BRIP1: variants seen among roughly 807,000 people sequenced by gnomAD.
BRIP1 encodes Fanconi anemia group J protein.
Under a neutral mutation model 119.7 loss-of-function variants are expected in BRIP1, and 88 were observed. That is an observed-to-expected ratio of 0.74 (90% CI 0.62 to 0.88). BRIP1 has a LOEUF of 0.88. BRIP1 is among the 40% of genes least tolerant of loss of function. BRIP1 has a pLI of 0.00. For missense variants in BRIP1, 1,259 were observed against 1,455.4 expected, an observed-to-expected ratio of 0.87 and a Z score of 2.20; for synonymous variants, 443 against 496.5, an observed-to-expected ratio of 0.89 and a Z score of 1.43.
rs531115856 is a variant in BRIP1 at position 61,783,275 on chromosome 17, C to G, written c.1628+995G>C. Among the ~76,000 whole-genome samples the G allele has an allele frequency of 7.5e-4, 114 of 152,114 alleles. 1 individual carries two copies. The highest frequency in any genetic ancestry group is 2.5e-3 in the African/African-American group (104 of 41,486). On this transcript the variant is annotated intron_variant, in intron 11 of 19. Coordinates refer to ENST00000259008, the MANE Select transcript of BRIP1 (RefSeq NM_032043.3). ...TAAATGAACTCTGAAAACACTGTGC[C>G]AAATGAATTGAAATAAGCCAGACAC...
In BRIP1 at chr17:61,701,994, A is replaced by T. The variant is rs2061621848; in HGVS notation, c.2493-8482T>A. ...AGAGAGGTGAGAACAGAGCAAGTTA[A>T]AATACCACAAAGCTTACTGTTCTTA... On this transcript the variant is annotated intron_variant, in intron 17 of 19. Transcript: ENST00000259008. The surrounding 1 kb of genome is among the most constrained non-coding windows in gnomAD (Gnocchi z 5.1). Among the ~76,000 whole-genome samples the T allele has an allele frequency of 4.6e-5, 7 of 152,208 alleles. No homozygotes were observed. The South Asian group carries it at 1.4e-3, about 32-fold the overall frequency.
intron 17 of BRIP1, among the ~76,000 whole-genome samples, chr17:61,698,532 C>T (rs149673179): frequency 6.6e-6 from 1 of 152,006 alleles, no homozygotes; most frequent in Non-Finnish European, 1.5e-5. Flanking sequence ...TTGTTCAAGG[C>T]TTTTATTTTC....
rs1275279664 is a variant in BRIP1, at chr17:61,724,507, A to C, written c.2380-8444T>G. On this transcript the variant is annotated intron_variant, in intron 16 of 19. Transcript: ENST00000259008. This position sits in a 1 kb window ranked among gnomAD's most constrained non-coding sequence, Gnocchi z 5.1. ...TCTTTGCACAAAAGTAGCCTTTTTA[A>C]AGTTTATCAGTAGCTTCTGAAAAAA... 4.6e-5 allele frequency among the ~76,000 whole-genome samples: 7 copies of C among 152,166 alleles called. No individual in the cohort carries two copies. Among genetic ancestry groups the C allele is most frequent in the Non-Finnish European group, 5.9e-5 (4 of 68,006 alleles).
chr17:61,707,811 TTTTTG>T (rs2061714667), intron 17 of BRIP1, among the ~76,000 whole-genome samples: 1 of 152,068 alleles, frequency 6.6e-6, no homozygotes, highest in Admixed American at 6.6e-5. Flanking sequence ...CCATGTCTTG[TTTTTG>T]TACAGCCTCC....
chr17:61,783,938 CTGGGTG>C (rs1388669451), intron 11 of BRIP1: 2 of 185,606 alleles, frequency 1.1e-5, no homozygotes, highest in Non-Finnish European at 2.2e-5. Flanking sequence ...AAAAAATTAG[CTGGGTG>C]TGGGTGTTGC....
In BRIP1 at chr17:61,805,373, T is replaced by A. The variant is rs1199609281; in HGVS notation, c.918+3094A>T. The stretch of plus-strand genomic sequence containing the variant: ...GAGGAAAGGACTCATCTAACTATAT[T>A]TATTTAGGCCATTTTCTACATTATT... On this transcript the variant is annotated intron_variant, in intron 7 of 19. Coordinates refer to ENST00000259008, the MANE Select transcript of BRIP1 (RefSeq NM_032043.3). This position sits in a 1 kb window ranked among gnomAD's most constrained non-coding sequence, Gnocchi z 5.6. Among the ~76,000 whole-genome samples the A allele has an allele frequency of 2.0e-5, 3 of 152,122 alleles. No homozygotes were observed. Among genetic ancestry groups the A allele is most frequent in the Non-Finnish European group, 4.4e-5 (3 of 68,020 alleles).
chr17:61,772,834 A>AAC (rs1391683195), intron 14 of BRIP1, among the ~76,000 whole-genome samples: 71 of 151,362 alleles, frequency 4.7e-4, no homozygotes, highest in African/African-American at 1.6e-3. Context: ...AAAAAAAAAA[A>AAC]AAAAAAAAAC....
rs34802873 is a variant in BRIP1 at position 61,847,330 on chromosome 17, A to C, written c.508-110T>G. The C allele has an allele frequency of 1.2e-3, 1,429 of 1,218,256 alleles. 19 individuals are homozygous for C. The East Asian group carries it at 0.024, about 20-fold the overall frequency. 75.5% of individuals were successfully genotyped at this position (1,218,256 alleles called of 1,614,324 possible). On this transcript the variant is annotated intron_variant, in intron 5 of 19. Transcript: ENST00000259008. ...GTATTTTTTTCCTGCATCCAAAAAAAGACTATTTCTAACAGGCAATAATAA... is the reference window on the plus strand; with the variant it reads ...GTATTTTTTTCCTGCATCCAAAAAACGACTATTTCTAACAGGCAATAATAA...
intron 16 of BRIP1, among the ~76,000 whole-genome samples, chr17:61,723,977 A>G (rs1430846877): frequency 6.6e-6 from 1 of 152,168 alleles, no homozygotes; most frequent in African/African-American, 2.4e-5. Context: ...TGTTTAATTC[A>G]TGTAGCTGCT....
rs2076886006 is a variant in BRIP1, at chr17:61,734,044, A to G, written c.2379+8969T>C. On this transcript the variant is annotated intron_variant, in intron 16 of 19. Transcript: ENST00000259008. The surrounding 1 kb of genome is among the most constrained non-coding windows in gnomAD (Gnocchi z 5.2). ...CCTACGAAGGAGAACTTTTCTATAT[A>G]CTATTATACTATACTATGCTAGGCA... 4.6e-5 allele frequency among the ~76,000 whole-genome samples: 7 copies of G among 152,216 alleles called. No homozygotes were observed. In the South Asian group the frequency reaches 1.5e-3, roughly 32 times the overall value.
At position 61,809,848 on chromosome 17, in the gene BRIP1, T is replaced by A. The variant is rs901058111; in HGVS notation, c.628-1091A>T. ...TTTTTTATTATTGTAATCAGTAAGA[T>A]TAGCCTTCATAAACAAATGCTAAGT... On this transcript the variant is annotated intron_variant, in intron 6 of 19. Transcript: ENST00000259008. This position sits in a 1 kb window ranked among gnomAD's most constrained non-coding sequence, Gnocchi z 5.2. Among the ~76,000 whole-genome samples the A allele has an allele frequency of 6.6e-6, 1 of 152,184 alleles. No homozygotes were observed. The highest frequency in any genetic ancestry group is 2.4e-5 in the African/African-American group (1 of 41,462).
intron 16 of BRIP1, among the ~76,000 whole-genome samples, chr17:61,716,302 A>G (rs1217957374): frequency 6.6e-6 from 1 of 152,084 alleles, no homozygotes; most frequent in Non-Finnish European, 1.5e-5. Flanking sequence ...TTGAACTTAC[A>G]TTCATTAAAT....
At chr17:61,840,066 A>G (rs1445712104) in intron 6 of BRIP1, among the ~76,000 whole-genome samples, 3 of 152,216 alleles carry the variant, frequency 2.0e-5, no homozygotes, top group African/African-American at 7.2e-5. Context: ...ACAGATATCA[A>G]AAGAATTTTT....
Position 61,684,915 on chromosome 17 carries a change from G to T in BRIP1, c.2906-775C>A. On this transcript the variant is annotated intron_variant, in intron 19 of 19. Coordinates refer to ENST00000259008, the MANE Select transcript of BRIP1 (RefSeq NM_032043.3). This position sits in a 1 kb window ranked among gnomAD's most constrained non-coding sequence, Gnocchi z 4.5. ...TTACAGACAGCTGCCTCCACACCCA[G>T]CTAATTTTTGTATTTTTTTAGTAGA... 1 of 152,100 alleles carries T rather than the reference G, an allele frequency of 6.6e-6. No individual in the cohort carries two copies. The highest frequency in any genetic ancestry group is 1.5e-5 in the Non-Finnish European group (1 of 68,014). 9.4% of individuals were successfully genotyped at this position (152,100 alleles called of 1,614,324 possible).
Position 61,780,358 on chromosome 17 carries a change from G to C in BRIP1, c.1838C>G (p.Thr613Arg), listed in dbSNP as rs864622345. 6.2e-7 allele frequency: 1 copy of C among 1,610,446 alleles called. No individual in the cohort carries two copies. Among genetic ancestry groups the C allele is most frequent in the Admixed American group, 1.7e-5 (1 of 59,986 alleles). Residue 613 changes from threonine (T) to arginine (R), a missense_variant, in exon 13 of 20, where the codon ACA (threonine) becomes AGA (arginine). Around this residue, in one of 3 missense-constraint regions of BRIP1, gnomAD observed 753 missense variants for 891.8 expected, o/e 0.84. Transcript: ENST00000259008. This position sits in a 1 kb window ranked among gnomAD's most constrained non-coding sequence, Gnocchi z 5.4. ...INGKVQTIVLTSGTLSPMKSF... is the reference protein window; with the variant it reads ...INGKVQTIVLRSGTLSPMKSF... ...TTTCATTGGTGATAATGTACCAGATGTCAAAACAATGGTCTGAACTTTGCC... is the reference window on the plus strand; with the variant it reads ...TTTCATTGGTGATAATGTACCAGATCTCAAAACAATGGTCTGAACTTTGCC...
chr17:61,701,985 A>C lies in BRIP1; in HGVS notation c.2493-8473T>G, dbSNP rs760904193. Among the ~76,000 whole-genome samples, 1 of 152,212 alleles carries C rather than the reference A, an allele frequency of 6.6e-6. No homozygotes were observed. The highest frequency in any genetic ancestry group is 1.9e-4 in the East Asian group (1 of 5,204). ...TGAACTTGGAGAGAGGTGAGAACAGAGCAAGTTAAAATACCACAAAGCTTA... is the reference window on the plus strand; with the variant it reads ...TGAACTTGGAGAGAGGTGAGAACAGCGCAAGTTAAAATACCACAAAGCTTA... On this transcript the variant is annotated intron_variant, in intron 17 of 19. Coordinates refer to ENST00000259008, the MANE Select transcript of BRIP1 (RefSeq NM_032043.3). This position sits in a 1 kb window ranked among gnomAD's most constrained non-coding sequence, Gnocchi z 5.1.
chr17:61,733,053 AG>A (rs1262985087), intron 16 of BRIP1, among the ~76,000 whole-genome samples: 1 of 152,228 alleles, frequency 6.6e-6, no homozygotes, highest in African/African-American at 2.4e-5. Flanking sequence ...TCTATTCAAA[AG>A]GAACAGATGA....
At chr17:61,833,880 G>T (rs548259681) in intron 6 of BRIP1, among the ~76,000 whole-genome samples, 1 of 152,072 alleles carries the variant, frequency 6.6e-6, no homozygotes, top group Non-Finnish European at 1.5e-5. Context: ...AGATTTTCCT[G>T]CTGGCTGAAC....
chr17:61,832,789 C>T lies in BRIP1; in HGVS notation c.627+14312G>A, dbSNP rs2078512734. Among the ~76,000 whole-genome samples, 1 of 152,216 alleles carries T rather than the reference C, an allele frequency of 6.6e-6. No homozygotes were observed. The highest frequency in any genetic ancestry group is 1.5e-5 in the Non-Finnish European group (1 of 67,992). ...TTAAGACAACTGCTAAAATTTAAAC[C>T]GGTTCTGAGTATTAGATGGCAACAA... On this transcript the variant is annotated intron_variant, in intron 6 of 19. Coordinates refer to ENST00000259008, the MANE Select transcript of BRIP1 (RefSeq NM_032043.3). This position sits in a 1 kb window ranked among gnomAD's most constrained non-coding sequence, Gnocchi z 5.5.
Sources: gnomAD v4.1 joint callset for allele counts (sites outside exome capture counted in the v4.1 genomes callset) on GRCh38, gnomAD v4.1.1 for gene constraint, gnomAD v4.1.1 regional missense constraint, Gnocchi (gnomAD v3.1) non-coding constraint, MANE v1.5 for transcripts, NCBI Gene and HGNC (gene_info 2026-07-23, HGNC 2026-07-21) for gene names.